The following GLIS3 variants were observed in gnomAD, a reference collection of about 807,000 sequenced individuals.
GLIS3 encodes zinc finger protein GLIS3.
Under a neutral mutation model 78.6 loss-of-function variants are expected in GLIS3, and 53 were observed. The observed-to-expected ratio is 0.67, with a 90% CI of 0.54 to 0.85. The LOEUF (loss-of-function observed/expected upper bound fraction) is 0.85, where lower values mean the gene tolerates loss of function less well. GLIS3 is among the 40% of genes least tolerant of loss of function. The pLI is 0.00. For synonymous variants in GLIS3, 684 were observed against 509.9 expected, an observed-to-expected ratio of 1.34 and a Z score of -4.60; for missense variants, 1,703 against 1,231.1, an observed-to-expected ratio of 1.38 and a Z score of -5.74.
At chr9:4,385,789 GAAAGAAAGAAAGAAAGAAAGAAAAGAA>G in the GLIS3 span, among the ~76,000 whole-genome samples, 1,265 of 80,592 alleles carry the variant, frequency 0.016, 84 homozygotes, top group African/African-American at 0.06. Flanking sequence ...AAGAAAGAAA[GAAAGAAAGAAAGAAAGAAAGAAAAGAA>G]AGAAAGAGAA....
intron 4 of GLIS3, among the ~76,000 whole-genome samples, chr9:4,011,271 T>C (rs1253394659): frequency 6.6e-6 from 1 of 152,144 alleles, no homozygotes; most frequent in African/African-American, 2.4e-5. Context: ...GAATCGGGTT[T>C]GTAAGAGTCA....
chr9:4,005,692 A>C (rs1279099622), intron 4 of GLIS3, among the ~76,000 whole-genome samples: 1 of 152,242 alleles, frequency 6.6e-6, no homozygotes, highest in African/African-American at 2.4e-5. Flanking sequence ...CATGAATATC[A>C]AACATTGTAA....
At chr9:4,486,544 G>A in the GLIS3 span, among the ~76,000 whole-genome samples, 8 of 152,152 alleles carry the variant, frequency 5.3e-5, no homozygotes, top group Admixed American at 2.0e-4. Flanking sequence ...ATAAACTTCT[G>A]GACCTCATTG....
chr9:3,849,216 C>T (rs1819255328), intron 9 of GLIS3, among the ~76,000 whole-genome samples: 1 of 152,164 alleles, frequency 6.6e-6, no homozygotes, highest in Non-Finnish European at 1.5e-5. Context: ...TAGTCTACCC[C>T]GACTTCCAAG....
intron 7 of GLIS3, among the ~76,000 whole-genome samples, chr9:3,894,897 G>A (rs1270502114): frequency 6.6e-6 from 1 of 152,154 alleles, no homozygotes; most frequent in Non-Finnish European, 1.5e-5. Context: ...TTGATGAGTA[G>A]TTTCTGTGGG....
At chr9:4,188,082 A>T (rs1817977319) in intron 2 of GLIS3, among the ~76,000 whole-genome samples, 1 of 151,848 alleles carries the variant, frequency 6.6e-6, no homozygotes, top group Admixed American at 6.6e-5. Flanking sequence ...GCCAGTTTTC[A>T]AAGGGAATGC....
intron 4 of GLIS3, among the ~76,000 whole-genome samples, chr9:4,056,934 A>G (rs952049323): frequency 7.3e-6 from 1 of 137,550 alleles, no homozygotes; most frequent in African/African-American, 2.7e-5. Context: ...ATCTGCCAGG[A>G]AAAAAAGCCA....
At chr9:3,852,873 C>A (rs1225819483) in intron 9 of GLIS3, among the ~76,000 whole-genome samples, 2 of 152,118 alleles carry the variant, frequency 1.3e-5, no homozygotes, top group African/African-American at 2.4e-5. Flanking sequence ...CTGATATTAG[C>A]AGTTTCTCAT....
intron 5 of GLIS3, chr9:3,932,973 A>G (rs1263653515): frequency 3.7e-6 from 1 of 268,820 alleles, no homozygotes; most frequent in Non-Finnish European, 7.5e-6. Context: ...GTGTAAAGTG[A>G]GTAAGAGACA....
intron 2 of GLIS3, among the ~76,000 whole-genome samples, chr9:4,337,764 G>A (rs1226160317): frequency 2.0e-5 from 3 of 152,108 alleles, no homozygotes; most frequent in Admixed American, 2.0e-4. Context: ...AATAGTAGAG[G>A]TGGTAGCAAC....
At chr9:3,942,420 A>G (rs745881484) in intron 4 of GLIS3, among the ~76,000 whole-genome samples, 2 of 152,190 alleles carry the variant, frequency 1.3e-5, no homozygotes, top group Non-Finnish European at 2.9e-5. Flanking sequence ...GAAGAAAGGC[A>G]TGGGCGGGAG....
At chr9:4,236,162 G>C (rs1284603732) in intron 2 of GLIS3, among the ~76,000 whole-genome samples, 3 of 95,974 alleles carry the variant, frequency 3.1e-5, no homozygotes, top group Non-Finnish European at 5.6e-5. Flanking sequence ...GCCACAGCTA[G>C]GAAAACTTGA....
At chr9:4,023,172 T>G (rs1415441982) in intron 4 of GLIS3, among the ~76,000 whole-genome samples, 1 of 152,214 alleles carries the variant, frequency 6.6e-6, no homozygotes, top group Non-Finnish European at 1.5e-5. Flanking sequence ...CTTAAAAATT[T>G]TTTTAAGTGG....
At chr9:4,483,626 A>G in the GLIS3 span, among the ~76,000 whole-genome samples, 3 of 151,728 alleles carry the variant, frequency 2.0e-5, no homozygotes, top group African/African-American at 7.3e-5. Flanking sequence ...AGGCTGAGGC[A>G]GGAGAATCAC....
chr9:4,345,576 G>C (rs1412867862), intron 2 of GLIS3, among the ~76,000 whole-genome samples: 2 of 152,208 alleles, frequency 1.3e-5, no homozygotes, highest in African/African-American at 2.4e-5. Context: ...GAAGAAACAG[G>C]TTCCATGTAT....
chr9:3,875,432 CA>C (rs555427797), intron 8 of GLIS3, among the ~76,000 whole-genome samples: 2 of 147,046 alleles, frequency 1.4e-5, no homozygotes, highest in Non-Finnish European at 3.1e-5. Context: ...TGACTCAGCC[CA>C]TTTTTTTTAG....
At chr9:4,017,835 C>T (rs1197305729) in intron 4 of GLIS3, among the ~76,000 whole-genome samples, 3 of 152,190 alleles carry the variant, frequency 2.0e-5, no homozygotes, top group Non-Finnish European at 2.9e-5. Flanking sequence ...AAGAATTCAG[C>T]AGAAGCTGTG....
intron 4 of GLIS3, among the ~76,000 whole-genome samples, chr9:4,113,696 C>T (rs1049206317): frequency 4.6e-5 from 7 of 152,202 alleles, no homozygotes; most frequent in African/African-American, 1.7e-4. Flanking sequence ...TCTTATGAGG[C>T]CAAAGCTGGC....
At chr9:4,206,903 G>C (rs888181924) in intron 2 of GLIS3, among the ~76,000 whole-genome samples, 1 of 152,096 alleles carries the variant, frequency 6.6e-6, no homozygotes, top group African/African-American at 2.4e-5. Context: ...GAGGAAGGGG[G>C]GAGGACGAAG....
Sources: gnomAD v4.1 joint callset for allele counts (sites outside exome capture counted in the v4.1 genomes callset) on GRCh38, gnomAD v4.1.1 for gene constraint, MANE v1.5 for transcripts, NCBI Gene and HGNC (gene_info 2026-07-23, HGNC 2026-07-21) for gene names.